SNCAIP: variants seen among roughly 807,000 people sequenced by gnomAD.
The protein encoded by SNCAIP is synphilin-1.
SNCAIP carries 43 observed loss-of-function variants against 86.7 expected under a neutral mutation model. The ratio of observed to expected loss-of-function variants is 0.50; its 90% CI spans 0.39 to 0.64. The LOEUF (loss-of-function observed/expected upper bound fraction) is 0.64. SNCAIP is among the 30% of genes least tolerant of loss of function. The pLI is 0.00. For synonymous variants in SNCAIP, 417 were observed against 427.2 expected (o/e 0.98, Z 0.29); for missense variants, 981 against 1,103.1 (o/e 0.89, Z 1.57).
intron 1 of SNCAIP, among the ~76,000 whole-genome samples, chr5:122,344,130 AT>A (rs1758131397): frequency 6.6e-6 from 1 of 152,060 alleles, no homozygotes; most frequent in Non-Finnish European, 1.5e-5. Context: ...TGAATTGTTT[AT>A]TGTTCTCCTC....
At chr5:122,370,786 G>A (rs963501519) in intron 1 of SNCAIP, among the ~76,000 whole-genome samples, 1 of 152,066 alleles carries the variant, frequency 6.6e-6, no homozygotes, top group Non-Finnish European at 1.5e-5. Flanking sequence ...TGTTTGCAAA[G>A]TTTCATGTAA....
intron 1 of SNCAIP, among the ~76,000 whole-genome samples, chr5:122,368,727 A>AT (rs1227847119): frequency 1.4e-4 from 21 of 152,206 alleles, no homozygotes; most frequent in Non-Finnish European, 2.5e-4. Context: ...CAGTAATATA[A>AT]TTAGCAACAT....
intron 1 of SNCAIP, among the ~76,000 whole-genome samples, chr5:122,331,879 C>T (rs901620220): frequency 3.3e-5 from 5 of 152,210 alleles, no homozygotes; most frequent in African/African-American, 7.2e-5. Flanking sequence ...GAAAGACTTT[C>T]TTTTTGCTTA....
intron 1 of SNCAIP, among the ~76,000 whole-genome samples, chr5:122,325,185 C>T (rs1335556529): frequency 6.6e-6 from 1 of 152,192 alleles, no homozygotes; most frequent in African/African-American, 2.4e-5. Flanking sequence ...TCCATTCTCC[C>T]TTTCTCCACC....
chr5:122,459,792 A>G (rs1478208208), intron 10 of SNCAIP, among the ~76,000 whole-genome samples: 2 of 152,222 alleles, frequency 1.3e-5, no homozygotes, highest in African/African-American at 2.4e-5. Flanking sequence ...AAAGTGATAT[A>G]GATACTTATA....
At chr5:122,317,942 C>G (rs1752120502) in intron 1 of SNCAIP, among the ~76,000 whole-genome samples, 1 of 152,032 alleles carries the variant, frequency 6.6e-6, no homozygotes, top group Non-Finnish European at 1.5e-5. Context: ...CCTTCAGTCT[C>G]TCAGCTTTCA....
intron 10 of SNCAIP, among the ~76,000 whole-genome samples, chr5:122,461,012 T>C (rs570761850): frequency 3.4e-4 from 52 of 152,338 alleles, no homozygotes; most frequent in African/African-American, 8.4e-4. Context: ...CTATTTTGTT[T>C]ATTCTCATGC....
At chr5:122,356,475 G>C (rs1425426546) in intron 1 of SNCAIP, among the ~76,000 whole-genome samples, 1 of 151,936 alleles carries the variant, frequency 6.6e-6, no homozygotes, top group African/African-American at 2.4e-5. Context: ...TTTTTTTGAT[G>C]AGACTGAACT....
chr5:122,383,179 T>C (rs1276527873), intron 1 of SNCAIP, among the ~76,000 whole-genome samples: 1 of 152,172 alleles, frequency 6.6e-6, no homozygotes, highest in East Asian at 1.9e-4. Flanking sequence ...ACTGCTGTGC[T>C]AGCAATCAGC....
chr5:122,383,863 A>G (rs990228568), intron 1 of SNCAIP, among the ~76,000 whole-genome samples: 1 of 152,226 alleles, frequency 6.6e-6, no homozygotes, highest in Non-Finnish European at 1.5e-5. Flanking sequence ...GGATGGTCAT[A>G]ATCCAATTTT....
At chr5:122,401,260 A>C in intron 2 of SNCAIP, 1 of 879,186 alleles carries the variant, frequency 1.1e-6, no homozygotes, top group Non-Finnish European at 1.6e-6. Context: ...TTCTTGGATC[A>C]TTTGCTCATT....
intron 1 of SNCAIP, among the ~76,000 whole-genome samples, chr5:122,346,933 A>G (rs1161506423): frequency 1.3e-5 from 2 of 152,026 alleles, no homozygotes; most frequent in African/African-American, 2.4e-5. Flanking sequence ...GAGATTAATG[A>G]TATGGATACA....
chr5:122,424,297 G>A (rs968467888), intron 4 of SNCAIP, among the ~76,000 whole-genome samples: 1 of 152,206 alleles, frequency 6.6e-6, no homozygotes, highest in Non-Finnish European at 1.5e-5. Flanking sequence ...GCATGAAGAA[G>A]CTTTTCCAAA....
chr5:122,376,084 G>C (rs115683633), intron 1 of SNCAIP, among the ~76,000 whole-genome samples: 2,160 of 152,148 alleles, frequency 0.014, 51 homozygotes, highest in African/African-American at 0.05. Flanking sequence ...AGCAAGTCTG[G>C]GATTTGGACC....
intron 1 of SNCAIP, among the ~76,000 whole-genome samples, chr5:122,353,326 G>A (rs999968533): frequency 2.0e-5 from 3 of 151,310 alleles, no homozygotes; most frequent in African/African-American, 7.3e-5. Flanking sequence ...GACAGTGACT[G>A]AAATGGGGCA....
intron 5 of SNCAIP, among the ~76,000 whole-genome samples, chr5:122,426,039 G>A (rs983000301): frequency 5.3e-5 from 8 of 152,102 alleles, no homozygotes; most frequent in Admixed American, 1.3e-4. Context: ...AGCACAGTAC[G>A]CTACCAAAAA....
chr5:122,369,698 T>A (rs1217665291), intron 1 of SNCAIP: 1 of 152,190 alleles, frequency 6.6e-6, no homozygotes, highest in Non-Finnish European at 1.5e-5. Context: ...CCCCTTGAAG[T>A]GTCCACATCA....
At chr5:122,461,045 C>T (rs1401870774) in intron 10 of SNCAIP, among the ~76,000 whole-genome samples, 1 of 152,142 alleles carries the variant, frequency 6.6e-6, no homozygotes, top group South Asian at 2.1e-4. Context: ...TCTTCCCACC[C>T]AAGGAAGGTA....
intron 8 of SNCAIP, among the ~76,000 whole-genome samples, chr5:122,449,028 G>A (rs1319167879): frequency 6.6e-6 from 1 of 151,620 alleles, no homozygotes; most frequent in African/African-American, 2.4e-5. Context: ...AAAAAAAAAT[G>A]AGGTTACAGA....
Sources: gnomAD v4.1 joint callset for allele counts (sites outside exome capture counted in the v4.1 genomes callset) on GRCh38, gnomAD v4.1.1 for gene constraint, MANE v1.5 for transcripts, NCBI Gene and HGNC (gene_info 2026-07-23, HGNC 2026-07-21) for gene names.